MYO3B: variants seen among roughly 807,000 people sequenced by gnomAD.
MYO3B encodes myosin-IIIb.
MYO3B carries 156 observed loss-of-function variants against 174.6 expected under a neutral mutation model. The ratio of observed to expected loss-of-function variants is 0.89; its 90% confidence interval spans 0.78 to 1.02. The LOEUF is 1.02. MYO3B is among the 50% of genes least tolerant of loss of function. MYO3B has a pLI of 0.00. For synonymous variants in MYO3B, 563 were observed against 569.1 expected, an observed-to-expected ratio of 0.99 and a Z score of 0.15; for missense variants, 1,632 against 1,639.4, an observed-to-expected ratio of 1.00 and a Z score of 0.08.
intron 23 of MYO3B, among the ~76,000 whole-genome samples, chr2:170,449,199 C>A (rs559577251): frequency 6.6e-6 from 1 of 152,092 alleles, no homozygotes; most frequent in Admixed American, 6.5e-5. Context: ...ATGAGGCCAG[C>A]TTTCCCTTTA....
chr2:170,426,396 C>T (rs1300097381), intron 22 of MYO3B, among the ~76,000 whole-genome samples: 2 of 148,264 alleles, frequency 1.3e-5, no homozygotes, highest in African/African-American at 2.5e-5. Flanking sequence ...AGTGCAGTGG[C>T]GCGATCTCAG....
intron 16 of MYO3B, among the ~76,000 whole-genome samples, chr2:170,392,961 A>G (rs1370860232): frequency 6.6e-6 from 1 of 152,092 alleles, no homozygotes; most frequent in African/African-American, 2.4e-5. Flanking sequence ...AAATATATTT[A>G]TGCAAGTAGC....
At chr2:170,609,846 A>T (rs976789842) in intron 32 of MYO3B, among the ~76,000 whole-genome samples, 24 of 152,050 alleles carry the variant, frequency 1.6e-4, no homozygotes, top group African/African-American at 5.6e-4. Flanking sequence ...TCCTGTGCCC[A>T]CTCTTGAACT....
chr2:170,480,889 T>G (rs1007130368), intron 25 of MYO3B, among the ~76,000 whole-genome samples: 3 of 152,210 alleles, frequency 2.0e-5, no homozygotes, highest in Non-Finnish European at 2.9e-5. Flanking sequence ...GTTTGCAGTT[T>G]TAAGCCTACA....
At position 170,322,742 on chromosome 2, in the gene MYO3B, C is replaced by T. The variant is rs553364823; in HGVS notation, c.750-12643C>T. Among the ~76,000 whole-genome samples the T allele has an allele frequency of 4.6e-4, 70 of 152,276 alleles. No homozygotes were observed. In the South Asian group the frequency reaches 0.012, roughly 27 times the overall value. ...TATATCCACCTGACTTTAAATGGAG[C>T]CTGTCAGCCTATGCTTCTGTGGGCA... On this transcript the variant is annotated intron_variant, in intron 7 of 34. Transcript: ENST00000408978.
rs553334033 is a variant in MYO3B, at chr2:170,409,412, G to T, written c.2650+1568G>T. Reference sequence around the variant, plus strand: ...TTTGAAACTACACTCCACACCACTTGATAGAAACAAAAGTGAAAAATAAGA... The same window carrying T: ...TTTGAAACTACACTCCACACCACTTTATAGAAACAAAAGTGAAAAATAAGA... On this transcript the variant is annotated intron_variant, in intron 22 of 34. Coordinates refer to ENST00000408978, the MANE Select transcript of MYO3B (RefSeq NM_138995.5). Among the ~76,000 whole-genome samples, 6 of 152,230 alleles carry T rather than the reference G, an allele frequency of 3.9e-5. No individual in the cohort carries two copies. The South Asian group carries it at 1.2e-3, about 32-fold the overall frequency.
intron 32 of MYO3B, among the ~76,000 whole-genome samples, chr2:170,544,717 G>A (rs1690364549): frequency 6.6e-6 from 1 of 152,078 alleles, no homozygotes; most frequent in African/African-American, 2.4e-5. Flanking sequence ...GTATGAAGTG[G>A]GAAATGCATA....
intron 8 of MYO3B, among the ~76,000 whole-genome samples, chr2:170,364,949 G>A (rs1022043013): frequency 6.6e-6 from 1 of 152,164 alleles, no homozygotes; most frequent in Non-Finnish European, 1.5e-5. Flanking sequence ...TGACTTACTG[G>A]CTTTGCAGCT....
intron 32 of MYO3B, among the ~76,000 whole-genome samples, chr2:170,621,513 T>C (rs1051362537): frequency 1.8e-4 from 25 of 141,976 alleles, no homozygotes; most frequent in Non-Finnish European, 2.9e-4. Context: ...TTTTGTTTTT[T>C]TGTTTTTTTG....
chr2:170,407,103 C>T (rs1476618223), intron 21 of MYO3B, among the ~76,000 whole-genome samples: 5 of 152,076 alleles, frequency 3.3e-5, no homozygotes, highest in East Asian at 1.9e-4. Context: ...ATGCTTTGCA[C>T]ATGGTATCTA....
rs560286624 is a variant in MYO3B, at chr2:170,355,786, A to G, written c.816-13436A>G. Among the ~76,000 whole-genome samples, 4 of 152,230 alleles carry G rather than the reference A, an allele frequency of 2.6e-5. No individual in the cohort carries two copies. The South Asian group carries it at 8.3e-4, about 32-fold the overall frequency. On this transcript the variant is annotated intron_variant, in intron 8 of 34. Transcript: ENST00000408978. ...ATCAATGCCAGCATCCAGACATTCA[A>G]CGTGTCAGGAATCAAGGGGCCTGAC...
chr2:170,470,207 C>CT (rs1684902335), intron 25 of MYO3B, among the ~76,000 whole-genome samples: 2 of 145,944 alleles, frequency 1.4e-5, no homozygotes, highest in Non-Finnish European at 3.0e-5. Flanking sequence ...AATCATAGAA[C>CT]ATTTCATTAC....
intron 6 of MYO3B, among the ~76,000 whole-genome samples, chr2:170,230,978 A>T (rs2093009586): frequency 6.6e-6 from 1 of 152,210 alleles, no homozygotes; most frequent in Non-Finnish European, 1.5e-5. Flanking sequence ...CATTAGTCAG[A>T]GGTGAAAGTC....
chr2:170,253,403 T>G (rs890246628), intron 7 of MYO3B, among the ~76,000 whole-genome samples: 18 of 152,200 alleles, frequency 1.2e-4, no homozygotes, highest in Non-Finnish European at 1.9e-4. Flanking sequence ...AGGAGCTAAC[T>G]TGGTGGGAGT....
chr2:170,570,058 A>G (rs999455107), intron 32 of MYO3B, among the ~76,000 whole-genome samples: 1 of 152,160 alleles, frequency 6.6e-6, no homozygotes, highest in African/African-American at 2.4e-5. Flanking sequence ...CAATTTAACT[A>G]GAAGAGGGTT....
intron 7 of MYO3B, among the ~76,000 whole-genome samples, chr2:170,321,907 A>C (rs1041255000): frequency 5.9e-5 from 9 of 151,982 alleles, no homozygotes; most frequent in African/African-American, 2.2e-4. Flanking sequence ...TGAGGTCAGG[A>C]GATTGAGACC....
At chr2:170,355,861 A>G (rs1441496363) in intron 8 of MYO3B, among the ~76,000 whole-genome samples, 2 of 152,196 alleles carry the variant, frequency 1.3e-5, no homozygotes, top group African/African-American at 4.8e-5. Flanking sequence ...GGATTAAGAC[A>G]GATGGCTCTT....
At chr2:170,562,148 A>G (rs1053339427) in intron 32 of MYO3B, among the ~76,000 whole-genome samples, 1 of 152,132 alleles carries the variant, frequency 6.6e-6, no homozygotes, top group Non-Finnish European at 1.5e-5. Flanking sequence ...AATATTTCAC[A>G]TTTTACTTTT....
At chr2:170,456,061 TA>T (rs1683889847) in intron 23 of MYO3B, among the ~76,000 whole-genome samples, 1 of 151,884 alleles carries the variant, frequency 6.6e-6, no homozygotes. Flanking sequence ...TTAACGGGAA[TA>T]GGGGAGAATC....
Sources: gnomAD v4.1 joint callset for allele counts (sites outside exome capture counted in the v4.1 genomes callset) on GRCh38, gnomAD v4.1.1 for gene constraint, MANE v1.5 for transcripts, NCBI Gene and HGNC (gene_info 2026-07-23, HGNC 2026-07-21) for gene names.